The following FUNDC1 variants were observed in gnomAD, a reference collection of about 807,000 sequenced individuals.
FUNDC1 encodes the protein FUN14 domain-containing protein 1.
A neutral mutation model predicts 14.5 loss-of-function variants in FUNDC1; 10 were observed. The observed-to-expected ratio is 0.69, with a 90% CI of 0.43 to 1.17. FUNDC1 has a LOEUF of 1.17. Ranked by LOEUF, FUNDC1 falls within the 50% of genes most tolerant of loss-of-function variation. The pLI, the probability that FUNDC1 is intolerant of heterozygous loss-of-function variation, is 0.00. For missense variants in FUNDC1, 115 were observed against 113.8 expected (o/e 1.01, Z -0.05); for synonymous variants, 33 against 39.7 (o/e 0.83, Z 0.64).
chrX:44,535,099 T>A (rs762019201), intron 3 of FUNDC1, among the ~76,000 whole-genome samples: 1 of 110,794 alleles, frequency 9.0e-6, no homozygotes, highest in African/African-American at 3.3e-5. Context: ...TGAGTGAGAT[T>A]GTACCACTGC....
chrX:44,526,055 G>C (rs1181014), intron 4 of FUNDC1, among the ~76,000 whole-genome samples: 56,735 of 104,488 alleles, frequency 0.54, 13,908 homozygotes, highest in Admixed American at 0.74. Context: ...AGTGAGCCAT[G>C]ATGATGCCAC....
intron 2 of FUNDC1, 90 bp downstream of exon 2, chrX:44,541,855 T>C: frequency 1.3e-6 from 1 of 798,632 alleles, no homozygotes; most frequent in Non-Finnish European, 1.8e-6. Flanking sequence ...GTAGACCTAC[T>C]GCCTGTGCAC....
chrX:44,537,682 T>G (rs1336643949), intron 3 of FUNDC1, among the ~76,000 whole-genome samples: 1 of 112,259 alleles, frequency 8.9e-6, no homozygotes, highest in Non-Finnish European at 1.9e-5. Flanking sequence ...GAATTCAGAT[T>G]CTGGTGGCTA....
intron 3 of FUNDC1, among the ~76,000 whole-genome samples, chrX:44,532,794 C>T (rs913432085): frequency 1.8e-5 from 2 of 110,771 alleles, no homozygotes; most frequent in South Asian, 3.8e-4. Context: ...TCAGGCGATC[C>T]GCCCGCCTCG....
chrX:44,542,517 G>A (rs977451985), intron 1 of FUNDC1, among the ~76,000 whole-genome samples: 2 of 102,969 alleles, frequency 1.9e-5, no homozygotes, highest in African/African-American at 8.2e-5. Flanking sequence ...GAGTCCAGAC[G>A]TTTAAAAAAA....
At position 44,531,329 on chromosome X, in the gene FUNDC1, C is replaced by G. The variant is rs1261722520; in HGVS notation, c.262-3964G>C. 3.0e-3 allele frequency among the ~76,000 whole-genome samples: 198 copies of G among 66,817 alleles called. 1 individual carries two copies. The highest frequency in any genetic ancestry group is 3.7e-3 in the Non-Finnish European group (151 of 40,431). The allele number at this position is 66,817 out of a possible 115,157, so 58.0% of individuals were successfully genotyped here. On this transcript the variant is annotated intron_variant, in intron 3 of 4. Coordinates refer to ENST00000378045, the MANE Select transcript of FUNDC1 (RefSeq NM_173794.4). ...CATGTTGGCCAGACACACACACACA[C>G]ACACACACACACACACACACACACA...
chrX:44,537,225 G>A (rs1205636597), intron 3 of FUNDC1, among the ~76,000 whole-genome samples: 6 of 111,991 alleles, frequency 5.4e-5, no homozygotes, highest in African/African-American at 1.9e-4. Context: ...TGAGTGAACT[G>A]AAATGGACTT....
chrX:44,534,972 C>T (rs748871785), intron 3 of FUNDC1, among the ~76,000 whole-genome samples: 1 of 111,075 alleles, frequency 9.0e-6, no homozygotes, highest in South Asian at 3.8e-4. Flanking sequence ...CATAGCAAGA[C>T]CTCCCTATTA....
rs1051364234 is a variant in FUNDC1, at chrX:44,542,100, G to A, written c.30C>T (p.Asp10=). Residue 10 remains aspartate, a splice_region_variant and synonymous_variant, in exon 2 of 5, where the codon GAC becomes GAT. Coordinates refer to ENST00000378045, the MANE Select transcript of FUNDC1 (RefSeq NM_173794.4). ...CATAAGAGTCGTCATCACTTTCATA[G>A]TCTTCAAAATAGCAAAATGCAAAAA... MATRNPPPQ[D]YESDDDSYEV... 4 of 1,185,814 alleles carry A rather than the reference G, an allele frequency of 3.4e-6. No homozygotes were observed. Among genetic ancestry groups the A allele is most frequent in the African/African-American group, 3.5e-5 (2 of 56,512 alleles).
intron 4 of FUNDC1, among the ~76,000 whole-genome samples, chrX:44,525,947 G>C (rs962800329): frequency 1.9e-5 from 2 of 105,149 alleles, no homozygotes; most frequent in Non-Finnish European, 3.9e-5. Flanking sequence ...CTGTGATCCT[G>C]GCACTTTGGG....
chrX:44,531,500 A>G (rs143407897), intron 3 of FUNDC1, among the ~76,000 whole-genome samples: 98 of 107,519 alleles, frequency 9.1e-4, no homozygotes, highest in African/African-American at 3.3e-3. Context: ...CCCACCCCCA[A>G]CTCCTTATCT....
intron 1 of FUNDC1, among the ~76,000 whole-genome samples, chrX:44,542,569 T>TGAAG (rs1356097378): frequency 1.0e-5 from 1 of 100,495 alleles, no homozygotes. Context: ...GGGCCGGAGG[T>TGAAG]GAAGGTAAGG....
chrX:44,536,319 G>GAA (rs56323948), intron 3 of FUNDC1, among the ~76,000 whole-genome samples: 1 of 64,657 alleles, frequency 1.5e-5, no homozygotes. Flanking sequence ...ACTCTGTCTC[G>GAA]AAAAAAAAAA....
intron 3 of FUNDC1, among the ~76,000 whole-genome samples, chrX:44,531,333 C>G (rs865954842): frequency 1.4e-5 from 1 of 69,553 alleles, no homozygotes; most frequent in Non-Finnish European, 2.4e-5. Context: ...CACACACACA[C>G]ACACACACAC....
chrX:44,542,805 C>T lies in FUNDC1; in HGVS notation c.28G>A (p.Asp10Asn). 8.6e-7 allele frequency: 1 copy of T among 1,168,938 alleles called. No individual in the cohort carries two copies. MATRNPPPQ[D>N]YESDDDSYEV... is the part of the protein sequence containing the mutation. ...ACCACTTCGGGCCCTGGCCGCTCACCTTGGGGAGGGGGGTTCCGGGTCGCC... is the reference window on the plus strand; with the variant it reads ...ACCACTTCGGGCCCTGGCCGCTCACTTTGGGGAGGGGGGTTCCGGGTCGCC... Residue 10 changes from aspartate (D) to asparagine (N), a missense_variant and splice_region_variant, in exon 1 of 5, where the codon GAC (aspartate) becomes AAC (asparagine). Asp to Asn is a conservative substitution (Grantham distance 23). Transcript: ENST00000378045.
intron 2 of FUNDC1, among the ~76,000 whole-genome samples, chrX:44,539,856 G>A (rs924934758): frequency 9.1e-6 from 1 of 109,965 alleles, no homozygotes; most frequent in African/African-American, 3.3e-5. Flanking sequence ...TAGTAGAGAC[G>A]GGGTTTCACA....
chrX:44,527,117 C>T, intron 4 of FUNDC1, 120 bp downstream of exon 4: 2 of 480,322 alleles, frequency 4.2e-6, no homozygotes, highest in Middle Eastern at 6.7e-4. Context: ...AGATATATAA[C>T]CAAAAACACC....
At position 44,525,192 on chromosome X, in the gene FUNDC1, C is replaced by T. The variant is rs760591884; in HGVS notation, c.391-917G>A. On this transcript the variant is annotated intron_variant, in intron 4 of 4. Coordinates refer to ENST00000378045, the MANE Select transcript of FUNDC1 (RefSeq NM_173794.4). ...AATGAGACTTCATAGACATGATAAC[C>T]GAAAACAATATATAATTTTTTTTGG... Among the ~76,000 whole-genome samples, 8 of 110,277 alleles carry T rather than the reference C, an allele frequency of 7.3e-5. No homozygotes were observed. The East Asian group carries it at 1.7e-3, about 24-fold the overall frequency.
chrX:44,540,540 C>T (rs1420292437), intron 2 of FUNDC1, among the ~76,000 whole-genome samples: 1 of 110,839 alleles, frequency 9.0e-6, no homozygotes, highest in East Asian at 2.8e-4. Context: ...GTTCCACAAG[C>T]ATGTGTATCC....
Sources: allele counts gnomAD v4.1 joint callset (sites outside exome capture counted in the v4.1 genomes callset), GRCh38; gene constraint gnomAD v4.1.1; transcripts MANE v1.5; gene names NCBI Gene and HGNC (gene_info 2026-07-23, HGNC 2026-07-21).